Variants in SEC23IP observed in about 807,000 individuals in gnomAD.
SEC23IP encodes the protein SEC23 interacting protein, also known as SEC23-interacting protein.
SEC23IP carries 70 observed loss-of-function variants against 113.4 expected under a neutral mutation model. That is an observed-to-expected ratio of 0.62 (90% CI 0.51 to 0.75). The LOEUF is 0.75. Among genes scored for constraint, SEC23IP ranks in the 30% least tolerant of loss-of-function variants. The probability of loss-of-function intolerance (pLI) is 0.00; values close to 1 mark genes in which losing one functional copy is unlikely to be tolerated. For synonymous variants in SEC23IP, 398 were observed against 421.0 expected (o/e 0.95, Z 0.67); for missense variants, 1,160 against 1,204.9 (o/e 0.96, Z 0.55).
chr10:119,915,326 A>G (rs35260451), intron 7 of SEC23IP, among the ~76,000 whole-genome samples: 7,912 of 152,034 alleles, frequency 0.052, 347 homozygotes, highest in South Asian at 0.19. Flanking sequence ...TATCGCCACT[A>G]CTGTGACTAA....
chr10:119,930,840 A>G (rs983052855), intron 15 of SEC23IP, among the ~76,000 whole-genome samples: 1 of 152,218 alleles, frequency 6.6e-6, no homozygotes, highest in Non-Finnish European at 1.5e-5. Flanking sequence ...AAAAAAATTC[A>G]TTAAACATAA....
intron 3 of SEC23IP, 134 bp downstream of exon 3, chr10:119,903,143 A>G: frequency 1.4e-6 from 1 of 706,602 alleles, no homozygotes; most frequent in Non-Finnish European, 2.3e-6. Context: ...CCTTAAGGTG[A>G]CGATATTAGT....
intron 18 of SEC23IP, among the ~76,000 whole-genome samples, chr10:119,937,292 A>AT (rs1855824579): frequency 1.3e-5 from 2 of 151,502 alleles, no homozygotes; most frequent in South Asian, 2.1e-4. Context: ...TATACTTTGG[A>AT]TTTTTTTGGC....
chr10:119,912,582 A>G (rs950375299), intron 6 of SEC23IP, among the ~76,000 whole-genome samples: 2 of 150,760 alleles, frequency 1.3e-5, no homozygotes, highest in South Asian at 2.1e-4. Flanking sequence ...AACATTCATC[A>G]TTTCTTTGTG....
intron 8 of SEC23IP, among the ~76,000 whole-genome samples, 170 bp downstream of exon 8, chr10:119,916,059 C>G (rs950198643): frequency 1.2e-4 from 18 of 152,164 alleles, no homozygotes; most frequent in Non-Finnish European, 1.5e-4. Context: ...ACTTTTCTCT[C>G]TGTGTGTGTG....
chr10:119,930,167 A>G (rs984407049), intron 14 of SEC23IP, among the ~76,000 whole-genome samples, 162 bp from the exon 15 acceptor site: 2 of 152,218 alleles, frequency 1.3e-5, no homozygotes, highest in Non-Finnish European at 1.5e-5. Flanking sequence ...TTACACACAA[A>G]CTAGAAAATC....
intron 13 of SEC23IP, 96 bp downstream of exon 13, chr10:119,926,323 CA>C: frequency 8.1e-7 from 1 of 1,237,144 alleles, no homozygotes; most frequent in Non-Finnish European, 1.1e-6. Flanking sequence ...ATTTATTTAA[CA>C]TTTATTTGTG....
At chr10:119,939,359 T>C (rs1365200254) in intron 18 of SEC23IP, among the ~76,000 whole-genome samples, 2 of 151,856 alleles carry the variant, frequency 1.3e-5, no homozygotes, top group Non-Finnish European at 2.9e-5. Flanking sequence ...AGCCTCAAAT[T>C]AACATGGCAG....
At chr10:119,912,797 C>A (rs528987321) in intron 6 of SEC23IP, among the ~76,000 whole-genome samples, 1 of 151,894 alleles carries the variant, frequency 6.6e-6, no homozygotes, top group Non-Finnish European at 1.5e-5. Flanking sequence ...TGCACCACCA[C>A]GCCCGGCTAA....
intron 2 of SEC23IP, among the ~76,000 whole-genome samples, chr10:119,901,043 G>GT (rs1554911997): frequency 1.7e-5 from 2 of 120,180 alleles, no homozygotes; most frequent in Non-Finnish European, 3.4e-5. Context: ...TTTTTAAAGA[G>GT]TGGGGGGGGG....
intron 17 of SEC23IP, 32 bp from the exon 18 acceptor site, chr10:119,933,654 C>A: frequency 8.3e-7 from 1 of 1,198,906 alleles, no homozygotes; most frequent in African/African-American, 1.5e-5. Flanking sequence ...TTCTAATTGT[C>A]TCTTAAGTAA....
At position 119,904,223 on chromosome 10, in the gene SEC23IP, G is replaced by A. The variant is rs1589825626; in HGVS notation, c.1047G>A (p.Gly349=). 8 of 1,614,158 alleles carry A rather than the reference G, an allele frequency of 5.0e-6. No homozygotes were observed. The highest frequency in any genetic ancestry group is 6.8e-6 in the Non-Finnish European group (8 of 1,180,024). The change falls in exon 4 of 19, where the codon GGG becomes GGA. Residue 349 remains glycine, a synonymous_variant. Transcript: ENST00000369075. ...EVRRCTWFYK[G]DTDSRFIPYT... ...GACGCTGTACTTGGTTTTACAAGGG[G>A]GACACAGATAGTCGATTTATTCCCT... is the stretch of plus-strand genomic sequence containing the variant.
chr10:119,938,935 TC>T (rs1855879573), intron 18 of SEC23IP, among the ~76,000 whole-genome samples: 3 of 152,244 alleles, frequency 2.0e-5, no homozygotes, highest in African/African-American at 7.2e-5. Context: ...TATACATAGT[TC>T]ATTCAAGCTT....
chr10:119,935,135 C>T (rs761355943), intron 18 of SEC23IP, among the ~76,000 whole-genome samples: 1 of 152,196 alleles, frequency 6.6e-6, no homozygotes, highest in Non-Finnish European at 1.5e-5. Context: ...TCTGTTAACA[C>T]ATCACACACA....
At chr10:119,898,995 T>C in intron 2 of SEC23IP, 36 bp downstream of exon 2, 1 of 1,459,902 alleles carries the variant, frequency 6.8e-7, no homozygotes, top group Non-Finnish European at 9.2e-7. Flanking sequence ...ACTTATTCAC[T>C]CTGTGTCTTC....
At chr10:119,924,389 A>G (rs537162109) in intron 12 of SEC23IP, among the ~76,000 whole-genome samples, 1 of 151,930 alleles carries the variant, frequency 6.6e-6, no homozygotes, top group East Asian at 1.9e-4. Flanking sequence ...TTAGAAAACC[A>G]GTGTGAATGG....
chr10:119,935,209 C>G (rs1172820353), intron 18 of SEC23IP, among the ~76,000 whole-genome samples: 1 of 151,182 alleles, frequency 6.6e-6, no homozygotes, highest in East Asian at 2.0e-4. Context: ...GCCTGTAATC[C>G]CAGCACTTTG....
intron 2 of SEC23IP, among the ~76,000 whole-genome samples, chr10:119,900,629 G>A (rs1322484231): frequency 3.9e-5 from 6 of 151,980 alleles, no homozygotes; most frequent in Non-Finnish European, 7.4e-5. Flanking sequence ...GTCTCACTCT[G>A]TTGTCCAGGT....
rs968291592 is a variant in SEC23IP at position 119,914,801 on chromosome 10, A to G, written c.1384A>G (p.Arg462Gly). The G allele has an allele frequency of 6.2e-7, 1 of 1,613,964 alleles. No individual in the cohort carries two copies. The highest frequency in any genetic ancestry group is 1.7e-5 in the Admixed American group (1 of 60,006). ...TGGACCTGTGTGTGACTTACGCTTT[A>G]GGAGCATTATTGAGTGTGGTAAGTG... ...GIGPVCDLRF[R>G]SIIECVDDFR... Residue 462 changes from arginine to glycine, a missense_variant, in exon 7 of 19, where the codon AGG becomes GGG. By Grantham distance (125) the Arg-to-Gly change is moderately radical. Transcript: ENST00000369075.
Sources: allele counts gnomAD v4.1 joint callset (sites outside exome capture counted in the v4.1 genomes callset), GRCh38; gene constraint gnomAD v4.1.1; transcripts MANE v1.5; gene names NCBI Gene and HGNC (gene_info 2026-07-23, HGNC 2026-07-21).